SCN8A: variants seen among roughly 807,000 people sequenced by gnomAD.
SCN8A encodes sodium voltage-gated channel alpha subunit 8.
A neutral mutation model predicts 184.1 loss-of-function variants in SCN8A; 30 were observed. The ratio of observed to expected loss-of-function variants is 0.16; its 90% CI spans 0.12 to 0.22. The LOEUF (loss-of-function observed/expected upper bound fraction) is 0.22. SCN8A is among the 10% of genes least tolerant of loss of function. SCN8A has a pLI of 1.00. For missense variants in SCN8A, 1,057 were observed against 2,498.9 expected (o/e 0.42, Z 12.30); for synonymous variants, 852 against 907.0 (o/e 0.94, Z 1.09).
intron 1 of SCN8A, among the ~76,000 whole-genome samples, chr12:51,649,105 A>G (rs763147904): frequency 1.2e-4 from 19 of 152,228 alleles, no homozygotes; most frequent in Admixed American, 3.9e-4. Context: ...CCAGCGGGGC[A>G]GTCAAATTTT....
intron 8 of SCN8A, 65 bp from the exon 9 acceptor site, chr12:51,702,708 A>G: frequency 7.8e-7 from 1 of 1,278,140 alleles, no homozygotes. Context: ...GTTATTTATT[A>G]TCTCCAAGGT....
intron 2 of SCN8A, among the ~76,000 whole-genome samples, chr12:51,665,802 G>A (rs939678069): frequency 6.6e-6 from 1 of 152,158 alleles, no homozygotes; most frequent in African/African-American, 2.4e-5. Context: ...AATGGTTCAC[G>A]CCTGTAATCC....
chr12:51,752,529 A>G (rs963441692), intron 14 of SCN8A, among the ~76,000 whole-genome samples: 2 of 152,152 alleles, frequency 1.3e-5, no homozygotes, highest in African/African-American at 4.8e-5. Context: ...ACACATGGCA[A>G]AGAGATCCTT....
intron 12 of SCN8A, among the ~76,000 whole-genome samples, chr12:51,737,688 C>A (rs1451767169): frequency 1.3e-5 from 2 of 152,170 alleles, no homozygotes; most frequent in Non-Finnish European, 2.9e-5. Flanking sequence ...ATTAAACCAG[C>A]ACGAGAAATT....
intron 1 of SCN8A, among the ~76,000 whole-genome samples, chr12:51,617,613 C>T (rs936742474): frequency 6.6e-6 from 1 of 151,980 alleles, no homozygotes; most frequent in Non-Finnish European, 1.5e-5. Context: ...TGTCTTTTTC[C>T]TTGTGAGATG....
intron 2 of SCN8A, among the ~76,000 whole-genome samples, chr12:51,677,919 A>G (rs1941252601): frequency 1.3e-5 from 2 of 152,216 alleles, no homozygotes; most frequent in Non-Finnish European, 2.9e-5. Context: ...GAGACAGATT[A>G]GGTAAAATAT....
In SCN8A at chr12:51,788,765, C is replaced by G; in HGVS notation, c.4281+17C>G. On this transcript the variant is annotated intron_variant, in intron 23 of 26. Transcript: ENST00000627620. ...TCCCGGAAGGTAAGGATGTACATGG[C>G]GAAAATACCACCTTCTCAGATGGCT... The G allele has an allele frequency of 6.2e-7, 1 of 1,602,096 alleles. No individual in the cohort carries two copies. Among genetic ancestry groups the G allele is most frequent in the Non-Finnish European group, 8.5e-7 (1 of 1,173,360 alleles).
chr12:51,747,089 A>ATGTGTGTGTGTGTGTGTG (rs60490453), intron 13 of SCN8A, among the ~76,000 whole-genome samples: 9 of 81,324 alleles, frequency 1.1e-4, no homozygotes, highest in South Asian at 6.9e-4. Context: ...CTCTGTGTGT[A>ATGTGTGTGTGTGTGTGTG]TGTGTGTGTG....
At chr12:51,778,009 C>A (rs1042930863) in intron 20 of SCN8A, among the ~76,000 whole-genome samples, 2 of 152,104 alleles carry the variant, frequency 1.3e-5, no homozygotes, top group African/African-American at 4.8e-5. Flanking sequence ...GAAGTAGATA[C>A]CTCCATATAA....
At chr12:51,754,325 T>C (rs1188587699) in intron 14 of SCN8A, among the ~76,000 whole-genome samples, 2 of 15,032 alleles carry the variant, frequency 1.3e-4, no homozygotes, top group East Asian at 0.038. Flanking sequence ...AAAAACTTCT[T>C]TTTTTTTTTT....
intron 14 of SCN8A, among the ~76,000 whole-genome samples, chr12:51,752,988 G>C (rs1191100119): frequency 6.6e-6 from 1 of 152,068 alleles, no homozygotes; most frequent in African/African-American, 2.4e-5. Flanking sequence ...ATTTTCAAGG[G>C]ATTTTGAGAG....
At chr12:51,640,225 T>G (rs1454583604) in intron 1 of SCN8A, among the ~76,000 whole-genome samples, 2 of 102,884 alleles carry the variant, frequency 1.9e-5, no homozygotes, top group Non-Finnish European at 3.7e-5. Flanking sequence ...TTTTTTTTTT[T>G]TTTTTTTTTT....
At chr12:51,691,210 A>G (rs1941501396) in intron 6 of SCN8A, among the ~76,000 whole-genome samples, 2 of 151,934 alleles carry the variant, frequency 1.3e-5, no homozygotes, top group South Asian at 4.2e-4. Context: ...CTGTCTCTTT[A>G]TGTTCCTGTG....
chr12:51,742,507 AT>A (rs1942442910), intron 12 of SCN8A, among the ~76,000 whole-genome samples: 1 of 151,686 alleles, frequency 6.6e-6, no homozygotes, highest in Non-Finnish European at 1.5e-5. Context: ...CACTTTAAAT[AT>A]ATCATTACCA....
intron 20 of SCN8A, among the ~76,000 whole-genome samples, chr12:51,775,383 T>C (rs1298275159): frequency 3.9e-5 from 6 of 152,240 alleles, no homozygotes; most frequent in African/African-American, 9.6e-5. Flanking sequence ...TTCTGCTCTA[T>C]AAATGGATTT....
Position 51,701,217 on chromosome 12 carries a change from T to A in SCN8A, c.992+10T>A, listed in dbSNP as rs367746278. 6.2e-5 allele frequency: 97 copies of A among 1,565,734 alleles called. No homozygotes were observed. The African/African-American group carries it at 7.4e-4, about 12-fold the overall frequency. ...ACAGTTCTGATGCTGGGTAAGTAGC[T>A]CACCTAGTTTTATTCTCTTTCCTTA... On this transcript the variant is annotated intron_variant, in intron 8 of 26. Transcript: ENST00000627620.
intron 26 of SCN8A, among the ~76,000 whole-genome samples, chr12:51,798,607 G>A (rs7316257): frequency 0.011 from 1,617 of 152,258 alleles, 27 homozygotes; most frequent in African/African-American, 0.036. Context: ...GAGCCCATGC[G>A]TAACCTCCAT....
At chr12:51,729,418 A>G (rs1942206399) in intron 12 of SCN8A, among the ~76,000 whole-genome samples, 1 of 152,160 alleles carries the variant, frequency 6.6e-6, no homozygotes, top group Non-Finnish European at 1.5e-5. Flanking sequence ...GTGTAGACTC[A>G]TACAATATGT....
At chr12:51,636,248 G>A (rs985982454) in intron 1 of SCN8A, among the ~76,000 whole-genome samples, 1 of 152,060 alleles carries the variant, frequency 6.6e-6, no homozygotes, top group Admixed American at 6.6e-5. Flanking sequence ...CGCCTGCCTC[G>A]GCCTCCCAAA....
Sources: allele counts gnomAD v4.1 joint callset (sites outside exome capture counted in the v4.1 genomes callset), GRCh38; gene constraint gnomAD v4.1.1; transcripts MANE v1.5; gene names NCBI Gene and HGNC (gene_info 2026-07-23, HGNC 2026-07-21).